IPO13: variants seen among roughly 807,000 people sequenced by gnomAD.
IPO13 encodes importin-13.
A neutral mutation model predicts 115.5 loss-of-function variants in IPO13; 28 were observed. The ratio of observed to expected loss-of-function variants is 0.24; its 90% CI spans 0.18 to 0.33. The LOEUF is 0.33. Ranked by LOEUF, IPO13 falls within the 10% of genes least tolerant of loss-of-function variation. IPO13 has a pLI of 1.00. For missense variants in IPO13, 785 were observed against 1,204.6 expected, an observed-to-expected ratio of 0.65 and a Z score of 5.16; for synonymous variants, 414 against 478.9, an observed-to-expected ratio of 0.86 and a Z score of 1.77.
Position 43,958,368 on chromosome 1 carries a change from A to T in IPO13, c.1750-93A>T. ...GGCCTTCCCCTTCCTCTTATCCCTT[A>T]TTCTCTGTTTTTCTTCTCCCAAGAG... On this transcript the variant is annotated intron_variant, in intron 9 of 19. Coordinates refer to ENST00000372343, the MANE Select transcript of IPO13 (RefSeq NM_014652.4). This position sits in a 1 kb window ranked among gnomAD's most constrained non-coding sequence, Gnocchi z 6.3. The T allele has an allele frequency of 6.2e-7, 1 of 1,607,840 alleles. No individual in the cohort carries two copies. Among genetic ancestry groups the T allele is most frequent in the Non-Finnish European group, 8.5e-7 (1 of 1,175,536 alleles).
In IPO13 at chr1:43,956,735, G is replaced by A; in HGVS notation, c.1104+34G>A. On this transcript the variant is annotated intron_variant, in intron 4 of 19. Transcript: ENST00000372343. The surrounding 1 kb of genome is among the most constrained non-coding windows in gnomAD (Gnocchi z 4.7). ...GTGTGACCTCCAGTAGGACTGGGCT[G>A]TGGTGGAAGAAGGTGGATCATGGGC... 1.9e-6 allele frequency: 3 copies of A among 1,614,020 alleles called. No homozygotes were observed. The highest frequency in any genetic ancestry group is 2.2e-5 in the South Asian group (2 of 91,072).
At chr1:43,948,434 T>G (rs1391430973) in intron 1 of IPO13, among the ~76,000 whole-genome samples, 1 of 152,254 alleles carries the variant, frequency 6.6e-6, no homozygotes. Context: ...GCTCCCTTAC[T>G]TGAAAGCAGG....
intron 11 of IPO13, among the ~76,000 whole-genome samples, chr1:43,959,883 G>A (rs1239068731): frequency 6.6e-6 from 1 of 152,174 alleles, no homozygotes; most frequent in Non-Finnish European, 1.5e-5. Context: ...CCTATTTGGA[G>A]GAGATAGCAT....
At position 43,967,381 on chromosome 1, in the gene IPO13, A is replaced by G; in HGVS notation, c.2680A>G (p.Lys894Glu). The change falls in exon 19 of 20, where the codon AAG becomes GAG. Residue 894 changes from lysine to glutamate, a missense_variant. Physicochemically the swap from Lys to Glu is moderately conservative, Grantham distance 56. Around this residue, in one of 3 missense-constraint regions of IPO13, gnomAD observed 285 missense variants for 394.8 expected, o/e 0.72. Coordinates refer to ENST00000372343, the MANE Select transcript of IPO13 (RefSeq NM_014652.4). This position sits in a 1 kb window ranked among gnomAD's most constrained non-coding sequence, Gnocchi z 6.1. ...TGCCGATATCCTGTTCGCCCTGAAC[A>G]AGCACTGCTTCAGCCTCCTGAGCAT... ...CFADILFALN[K>E]HCFSLLSMWI... 1 of 1,614,136 alleles carries G rather than the reference A, an allele frequency of 6.2e-7. No homozygotes were observed. Among genetic ancestry groups the G allele is most frequent in the Non-Finnish European group, 8.5e-7 (1 of 1,180,018 alleles).
At chr1:43,960,815 T>G (rs2085284053) in intron 12 of IPO13, 61 bp from the exon 13 acceptor site, 1 of 1,600,980 alleles carries the variant, frequency 6.2e-7, no homozygotes, top group Non-Finnish European at 8.5e-7. Flanking sequence ...TGTGCAGGGC[T>G]TCAGCGCTGT....
chr1:43,966,303 C>G lies in IPO13; in HGVS notation c.2398-272C>G, dbSNP rs989713906. 9.0e-6 allele frequency: 5 copies of G among 557,142 alleles called. 1 individual carries two copies. In the South Asian group the frequency reaches 1.0e-4, roughly 11 times the overall value. 34.5% of individuals were successfully genotyped at this position (557,142 alleles called of 1,614,324 possible). On this transcript the variant is annotated intron_variant, in intron 15 of 19. Transcript: ENST00000372343. This position sits in a 1 kb window ranked among gnomAD's most constrained non-coding sequence, Gnocchi z 4.1. ...AGGGGGAGGGAAAGGTGTCTGGAAC[C>G]CAAACTTTCTGCATTATGATCCCCA...
chr1:43,965,526 T>C (rs910915218), intron 15 of IPO13, among the ~76,000 whole-genome samples: 2 of 151,878 alleles, frequency 1.3e-5, no homozygotes, highest in African/African-American at 4.8e-5. Context: ...GCGGAGGGTG[T>C]CTGAATGTGT....
chr1:43,967,873 C>T lies in IPO13; in HGVS notation c.*191C>T, dbSNP rs1571775027. ...AGGCCTTGGGAGGGAATGGTGGGAA[C>T]ATCCTCTAGCTCCCAGGTTGGAAGA... On this transcript the variant is annotated 3_prime_UTR_variant, in exon 20 of 20. Transcript: ENST00000372343. This position sits in a 1 kb window ranked among gnomAD's most constrained non-coding sequence, Gnocchi z 6.1. The T allele has an allele frequency of 1.6e-6, 1 of 618,312 alleles. No individual in the cohort carries two copies. The highest frequency in any genetic ancestry group is 2.9e-6 in the Non-Finnish European group (1 of 348,120). 38.3% of individuals were successfully genotyped at this position (618,312 alleles called of 1,614,324 possible). A position where few individuals can be genotyped will look rare whatever the true frequency, so the allele number is the denominator to read the frequency against.
intron 5 of IPO13, 30 bp from the exon 6 acceptor site, chr1:43,957,165 C>T: frequency 6.2e-7 from 1 of 1,607,870 alleles, no homozygotes; most frequent in Non-Finnish European, 8.5e-7. Flanking sequence ...AGGATCCAGG[C>T]AGTATAAAAG....
rs771016223 is a variant in IPO13 at position 43,947,633 on chromosome 1, A to C, written c.33A>C (p.Ala11=). The C allele has an allele frequency of 7.5e-7, 1 of 1,330,498 alleles. No homozygotes were observed. Among genetic ancestry groups the C allele is most frequent in the Non-Finnish European group, 9.7e-7 (1 of 1,032,114 alleles). The allele number at this position is 1,330,498 out of a possible 1,614,324, so 82.4% of individuals were successfully genotyped here. The change falls in exon 1 of 20, where the codon GCA becomes GCC. Residue 11 remains alanine (A), a synonymous_variant. Transcript: ENST00000372343. The part of the protein sequence containing the change: MERREEQPGA[A]GAGAAPALDF... ...GGCGGGAGGAGCAGCCGGGGGCTGC[A>C]GGGGCTGGAGCAGCACCAGCCTTGG... is the stretch of plus-strand genomic sequence containing the variant.
At position 43,967,095 on chromosome 1, in the gene IPO13, T is replaced by G. The variant is rs186204046; in HGVS notation, c.2613+76T>G. 2.1e-6 allele frequency: 3 copies of G among 1,399,172 alleles called. No individual in the cohort carries two copies. In the African/African-American group the frequency reaches 4.2e-5, roughly 20 times the overall value. 86.7% of individuals were successfully genotyped at this position (1,399,172 alleles called of 1,614,324 possible). On this transcript the variant is annotated intron_variant, in intron 18 of 19. Coordinates refer to ENST00000372343, the MANE Select transcript of IPO13 (RefSeq NM_014652.4). This position sits in a 1 kb window ranked among gnomAD's most constrained non-coding sequence, Gnocchi z 6.1. Reference sequence around the variant, plus strand: ...GAGGCAGCTGGCCTTCTGGGAGGCTTGAGCCTTTGGTCCCCTAAGCTCTCA... The same window carrying G: ...GAGGCAGCTGGCCTTCTGGGAGGCTGGAGCCTTTGGTCCCCTAAGCTCTCA...
chr1:43,955,372 A>G lies in IPO13; in HGVS notation c.822-948A>G, dbSNP rs193281357. On this transcript the variant is annotated intron_variant, in intron 2 of 19. Transcript: ENST00000372343. Reference sequence around the variant, plus strand: ...GTATTAGTTTCCTAGGGCTACCATAACATAGTACCACAAACTAGGTGGCTT... The same window carrying G: ...GTATTAGTTTCCTAGGGCTACCATAGCATAGTACCACAAACTAGGTGGCTT... 2.6e-5 allele frequency among the ~76,000 whole-genome samples: 4 copies of G among 152,254 alleles called. No individual in the cohort carries two copies. The East Asian group carries it at 5.8e-4, about 22-fold the overall frequency.
chr1:43,955,008 G>T (rs996717292), intron 2 of IPO13, among the ~76,000 whole-genome samples: 1 of 152,124 alleles, frequency 6.6e-6, no homozygotes, highest in African/African-American at 2.4e-5. Context: ...CACCCCACAG[G>T]TCTCAGTAAA....
chr1:43,947,076 C>T lies in IPO13; in HGVS notation c.-525C>T. On this transcript the variant is annotated 5_prime_UTR_variant, in exon 1 of 20. Coordinates refer to ENST00000372343, the MANE Select transcript of IPO13 (RefSeq NM_014652.4). ...CAGCCCCTCAACTCCACGGACTCTTCGCCCTAGACTAGCGGAGCTGCATCT... is the reference window on the plus strand; with the variant it reads ...CAGCCCCTCAACTCCACGGACTCTTTGCCCTAGACTAGCGGAGCTGCATCT... The T allele has an allele frequency of 2.5e-6, 1 of 398,870 alleles. No homozygotes were observed. The highest frequency in any genetic ancestry group is 2.0e-5 in the African/African-American group (1 of 48,788). 24.7% of individuals were successfully genotyped at this position (398,870 alleles called of 1,614,324 possible).
Position 43,949,675 on chromosome 1 carries a change from G to A in IPO13, c.343G>A (p.Gly115Ser), listed in dbSNP as rs768787553. 8 of 1,614,116 alleles carry A rather than the reference G, an allele frequency of 5.0e-6. No individual in the cohort carries two copies. In the East Asian group the frequency reaches 1.8e-4, roughly 36 times the overall value. ...LFTQITRFAS[G>S]SKIVLTRLCV... Reference sequence around the variant, plus strand: ...CACCCAGATCACCCGCTTTGCCAGTGGCTCCAAGATTGTACTGACTCGGCT... The same window carrying A: ...CACCCAGATCACCCGCTTTGCCAGTAGCTCCAAGATTGTACTGACTCGGCT... The change falls in exon 2 of 20, where the codon GGC becomes AGC. Residue 115 changes from glycine to serine, a missense_variant. Coordinates refer to ENST00000372343, the MANE Select transcript of IPO13 (RefSeq NM_014652.4).
At position 43,966,678 on chromosome 1, in the gene IPO13, C is replaced by A. The variant is rs985916594; in HGVS notation, c.2464+37C>A. On this transcript the variant is annotated intron_variant, in intron 16 of 19. Transcript: ENST00000372343. The surrounding 1 kb of genome is among the most constrained non-coding windows in gnomAD (Gnocchi z 4.1). ...GAGATGGACAGGTGGGCCTGGGGCT[C>A]CCCTAGAAGGATCGTTAAACTGATC... 9.9e-6 allele frequency: 16 copies of A among 1,613,936 alleles called. No homozygotes were observed. Among genetic ancestry groups the A allele is most frequent in the Non-Finnish European group, 1.3e-5 (15 of 1,179,944 alleles).
Position 43,966,053 on chromosome 1 carries a change from A to T in IPO13, c.2398-522A>T. 1 of 187,348 alleles carries T rather than the reference A, an allele frequency of 5.3e-6. No homozygotes were observed. Among genetic ancestry groups the T allele is most frequent in the Non-Finnish European group, 1.1e-5 (1 of 87,712 alleles). 11.6% of individuals were successfully genotyped at this position (187,348 alleles called of 1,614,324 possible). A position where few individuals can be genotyped will look rare whatever the true frequency, so the allele number is the denominator to read the frequency against. Reference sequence around the variant, plus strand: ...GGTGAAAGATGGGGCTGAGGCTCCAAGGCTCCTGCTGTACTTTTCTTCTTT... The same window carrying T: ...GGTGAAAGATGGGGCTGAGGCTCCATGGCTCCTGCTGTACTTTTCTTCTTT... On this transcript the variant is annotated intron_variant, in intron 15 of 19. Transcript: ENST00000372343. This position sits in a 1 kb window ranked among gnomAD's most constrained non-coding sequence, Gnocchi z 4.1.
At chr1:43,949,309 C>T (rs1348832434) in intron 1 of IPO13, 108 bp from the exon 2 acceptor site, 3 of 1,221,722 alleles carry the variant, frequency 2.5e-6, no homozygotes, top group Admixed American at 2.7e-5. Context: ...GCTCAGCCCC[C>T]CAGTCAGGGA....
At chr1:43,961,053 G>T in intron 13 of IPO13, 40 bp downstream of exon 13, 1 of 1,612,496 alleles carries the variant, frequency 6.2e-7, no homozygotes, top group Non-Finnish European at 8.5e-7. Flanking sequence ...GACCCTGGGT[G>T]GGGGTGGGTC....
Sources: gnomAD v4.1 joint callset for allele counts (sites outside exome capture counted in the v4.1 genomes callset) on GRCh38, gnomAD v4.1.1 for gene constraint, gnomAD v4.1.1 regional missense constraint, Gnocchi (gnomAD v3.1) non-coding constraint, MANE v1.5 for transcripts, NCBI Gene and HGNC (gene_info 2026-07-23, HGNC 2026-07-21) for gene names.